The following ABR variants were observed in gnomAD, a reference collection of about 807,000 sequenced individuals.
The protein encoded by ABR is active breakpoint cluster region-related protein.
In ABR, 35 loss-of-function variants were observed where a neutral mutation model predicts 107.2. The ratio of observed to expected loss-of-function variants is 0.33; its 90% CI spans 0.25 to 0.43. The LOEUF (loss-of-function observed/expected upper bound fraction) is 0.43, where lower values mean the gene tolerates loss of function less well. ABR is among the 20% of genes least tolerant of loss of function. The pLI is 1.00. For missense variants in ABR, 815 were observed against 1,115.2 expected (o/e 0.73, Z 3.83); for synonymous variants, 498 against 462.0 (o/e 1.08, Z -1.00).
At position 1,037,641 on chromosome 17, in the gene ABR, C is replaced by A. The variant is rs747699379; in HGVS notation, c.1791+12409G>T. ...ATGCTGTCCCTACCGCTGGAGCCCC[C>A]CTGGGCTGCTTGCCTGCTCCTCCTC... On this transcript the variant is annotated intron_variant, in intron 16 of 22. Transcript: ENST00000302538. This position sits in a 1 kb window ranked among gnomAD's most constrained non-coding sequence, Gnocchi z 4.6. Among the ~76,000 whole-genome samples, 1 of 152,168 alleles carries A rather than the reference C, an allele frequency of 6.6e-6. No individual in the cohort carries two copies. Among genetic ancestry groups the A allele is most frequent in the African/African-American group, 2.4e-5 (1 of 41,432 alleles).
intron 1 of ABR, among the ~76,000 whole-genome samples, chr17:1,135,544 C>T (rs1213908348): frequency 6.6e-6 from 1 of 151,794 alleles, no homozygotes; most frequent in African/African-American, 2.4e-5. Flanking sequence ...GCTGAGGGAG[C>T]CCAGCCCTGA....
intron 1 of ABR, among the ~76,000 whole-genome samples, chr17:1,222,074 C>CTTCTTTTTTTTTTT (rs2043129774): frequency 6.9e-6 from 1 of 144,784 alleles, no homozygotes; most frequent in Admixed American, 6.9e-5. Context: ...AGGATCCCAT[C>CTTCTTTTTTTTTTT]TTTTTTTCTG....
intron 16 of ABR, among the ~76,000 whole-genome samples, chr17:1,013,503 G>A (rs57458164): frequency 0.07 from 10,690 of 151,986 alleles, 540 homozygotes; most frequent in African/African-American, 0.13. Flanking sequence ...TGCCAGCCCG[G>A]GACATGGGTA....
intron 16 of ABR, among the ~76,000 whole-genome samples, chr17:1,018,285 G>T (rs560395735): frequency 1.3e-5 from 2 of 151,838 alleles, no homozygotes; most frequent in Admixed American, 1.3e-4. Flanking sequence ...CTCGTGATTC[G>T]CCCACCTCGG....
At chr17:1,216,708 C>G (rs1314182392) in intron 1 of ABR, among the ~76,000 whole-genome samples, 1 of 152,228 alleles carries the variant, frequency 6.6e-6, no homozygotes, top group Non-Finnish European at 1.5e-5. Flanking sequence ...GCAGCTGTCT[C>G]TAAGGACTGC....
At position 1,150,922 on chromosome 17, in the gene ABR, A is replaced by G. The variant is rs2151529952; in HGVS notation, c.62-25555T>C. Among the ~76,000 whole-genome samples the G allele has an allele frequency of 6.6e-6, 1 of 152,262 alleles. No homozygotes were observed. The highest frequency in any genetic ancestry group is 1.5e-5 in the Non-Finnish European group (1 of 68,030). On this transcript the variant is annotated intron_variant, in intron 1 of 22. Transcript: ENST00000302538. The surrounding 1 kb of genome is among the most constrained non-coding windows in gnomAD (Gnocchi z 4.8). The stretch of plus-strand genomic sequence containing the variant: ...CATATATATACACATGTGCACACAC[A>G]CACTCCTGGGGGTGAGGAGGTCACG...
intron 16 of ABR, among the ~76,000 whole-genome samples, chr17:1,048,971 A>G (rs1182619129): frequency 6.6e-6 from 1 of 152,204 alleles, no homozygotes; most frequent in East Asian, 1.9e-4. Flanking sequence ...GCACGAGGCC[A>G]CACGAGGTAC....
At chr17:1,228,964 G>A (rs1227557667) in exon 1 of ABR, 1 of 151,490 alleles carries the variant, frequency 6.6e-6, no homozygotes, top group Non-Finnish European at 1.5e-5. Context: ...GGCGAGCCCG[G>A]GCGGCCCTTG....
Position 1,157,588 on chromosome 17 carries a change from C to T in ABR, c.61+22079G>A, listed in dbSNP as rs2041098154. On this transcript the variant is annotated intron_variant, in intron 1 of 22. Transcript: ENST00000302538. The surrounding 1 kb of genome is among the most constrained non-coding windows in gnomAD (Gnocchi z 4.7). The stretch of plus-strand genomic sequence containing the variant: ...GTTCTAACATGCCTAGGGGGCTGGT[C>T]CCTCAGGCCACAGGCCATGAGAAGC... 6.6e-6 allele frequency among the ~76,000 whole-genome samples: 1 copy of T among 152,216 alleles called. No homozygotes were observed. The highest frequency in any genetic ancestry group is 1.5e-5 in the Non-Finnish European group (1 of 68,042).
At chr17:1,029,786 ACGTCCCTCCGTC>A in intron 16 of ABR, among the ~76,000 whole-genome samples, 2 of 92,792 alleles carry the variant, frequency 2.2e-5, no homozygotes, top group African/African-American at 3.2e-5. Flanking sequence ...CACAGGGCAG[ACGTCCCTCCGTC>A]CACCACAGCG....
chr17:1,015,750 G>A (rs1339985100), intron 16 of ABR, among the ~76,000 whole-genome samples: 1 of 152,132 alleles, frequency 6.6e-6, no homozygotes, highest in African/African-American at 2.4e-5. Context: ...GAGCCACCGC[G>A]CCTGGCCTCA....
intron 2 of ABR, 54 bp from the exon 3 acceptor site, chr17:1,100,789 T>C (rs2037809070): frequency 3.2e-6 from 5 of 1,554,460 alleles, no homozygotes; most frequent in African/African-American, 1.4e-5. Flanking sequence ...GCCAAAACCC[T>C]GCGTGGACGG....
intron 16 of ABR, among the ~76,000 whole-genome samples, chr17:1,030,564 C>T (rs1458534530): frequency 6.6e-6 from 1 of 152,236 alleles, no homozygotes; most frequent in Non-Finnish European, 1.5e-5. Flanking sequence ...CTGCCCTGCC[C>T]AGCACTTTCC....
rs925813590 is a variant in ABR, at chr17:1,154,771, G to A, written c.61+24896C>T. On this transcript the variant is annotated intron_variant, in intron 1 of 22. Coordinates refer to ENST00000302538, the MANE Select transcript of ABR (RefSeq NM_021962.5). This position sits in a 1 kb window ranked among gnomAD's most constrained non-coding sequence, Gnocchi z 4.0. ...ATGGATGTAGTGCTCGCCCTCCCAA[G>A]GCCGGTGTCCTGGTGACGATGCCAC... The A allele has an allele frequency of 2.0e-5, 3 of 151,968 alleles. No homozygotes were observed. The highest frequency in any genetic ancestry group is 1.9e-4 in the East Asian group (1 of 5,168). The allele number at this position is 151,968 out of a possible 1,614,324, so 9.4% of individuals were successfully genotyped here.
At chr17:1,077,543 C>A (rs533951001) in intron 6 of ABR, among the ~76,000 whole-genome samples, 38 of 152,276 alleles carry the variant, frequency 2.5e-4, no homozygotes, top group African/African-American at 8.9e-4. Flanking sequence ...TGCTGGGCCG[C>A]AGGAGAGAGG....
At chr17:1,143,648 G>T (rs901715959) in intron 1 of ABR, among the ~76,000 whole-genome samples, 22 of 152,158 alleles carry the variant, frequency 1.4e-4, no homozygotes, top group Admixed American at 1.4e-3. Context: ...GGCCTCTCTG[G>T]TTGCCATGGA....
intron 16 of ABR, chr17:1,031,577 A>G (rs1468308069): frequency 1.3e-6 from 1 of 793,988 alleles, no homozygotes; most frequent in Non-Finnish European, 1.5e-6. Flanking sequence ...ACCCCCCGGA[A>G]CCTCCAGCCC....
chr17:1,018,209 AT>A (rs565334743), intron 16 of ABR, among the ~76,000 whole-genome samples: 3 of 151,376 alleles, frequency 2.0e-5, no homozygotes, highest in South Asian at 2.1e-4. Flanking sequence ...CCCCCGGCTA[AT>A]TTTTTGTATT....
At position 1,148,941 on chromosome 17, in the gene ABR, AC is replaced by A. The variant is rs1231279586; in HGVS notation, c.62-23575del. On this transcript the variant is annotated intron_variant, in intron 1 of 22. Transcript: ENST00000302538. The surrounding 1 kb of genome is among the most constrained non-coding windows in gnomAD (Gnocchi z 4.9). ...TTTTGAGACAGAGTCTCACTCTGTC[AC>A]CCAGGCTGGAGTGCAGTGGCGCCAT... is the stretch of plus-strand genomic sequence containing the variant. 1.3e-5 allele frequency among the ~76,000 whole-genome samples: 2 copies of A among 151,886 alleles called. No homozygotes were observed. Among genetic ancestry groups the A allele is most frequent in the East Asian group, 3.9e-4 (2 of 5,180 alleles).
Sources: allele counts gnomAD v4.1 joint callset (sites outside exome capture counted in the v4.1 genomes callset), GRCh38; gene constraint gnomAD v4.1.1; non-coding constraint Gnocchi (gnomAD v3.1); transcripts MANE v1.5; gene names NCBI Gene and HGNC (gene_info 2026-07-23, HGNC 2026-07-21).